MYO16: variants seen among roughly 807,000 people sequenced by gnomAD.
MYO16 encodes the protein unconventional myosin-XVI.
Under a neutral mutation model 205.3 loss-of-function variants are expected in MYO16, and 94 were observed. The observed-to-expected ratio is 0.46, with a 90% confidence interval of 0.39 to 0.54. The LOEUF is 0.54. Among genes scored for constraint, MYO16 ranks in the 20% least tolerant of loss-of-function variants. The pLI is 0.00. For missense variants in MYO16, 2,315 were observed against 2,387.5 expected (o/e 0.97, Z 0.63); for synonymous variants, 988 against 954.0 (o/e 1.04, Z -0.66).
At position 109,178,448 on chromosome 13, in the gene MYO16, G is replaced by A. The variant is rs144296942; in HGVS notation, c.5324-1094G>A. ...GGAACTCTCTCCTATAATTGGAAAA[G>A]CGTGCACTGATTGTCTAATGATTTT... On this transcript the variant is annotated intron_variant, in intron 33 of 34. Coordinates refer to ENST00000457511, the MANE Select transcript of MYO16 (RefSeq NM_001198950.3). Among the ~76,000 whole-genome samples the A allele has an allele frequency of 2.9e-3, 445 of 152,320 alleles. 1 individual carries two copies. Among genetic ancestry groups the A allele is most frequent in the African/African-American group, 0.01 (426 of 41,564 alleles).
At chr13:109,003,761 A>G (rs1387346320) in intron 21 of MYO16, among the ~76,000 whole-genome samples, 2 of 152,224 alleles carry the variant, frequency 1.3e-5, no homozygotes, top group Admixed American at 6.5e-5. Context: ...TATTATCAGA[A>G]GCCTCAGGTC....
At chr13:109,185,396 C>T (rs1229948671) in intron 34 of MYO16, among the ~76,000 whole-genome samples, 1 of 151,286 alleles carries the variant, frequency 6.6e-6, no homozygotes, top group Non-Finnish European at 1.5e-5. Context: ...ACTGTAGGTG[C>T]TTAAAAAAAA....
the MYO16 span, among the ~76,000 whole-genome samples, chr13:108,521,832 G>C: frequency 2.6e-5 from 4 of 152,226 alleles, no homozygotes; most frequent in South Asian, 6.2e-4. Flanking sequence ...TTCAGAAAAA[G>C]TTCCTATTTT....
Position 109,019,826 on chromosome 13 carries a change from T to G in MYO16, c.2711T>G (p.Val904Gly), listed in dbSNP as rs1012625160. 4 of 1,614,114 alleles carry G rather than the reference T, an allele frequency of 2.5e-6. No individual in the cohort carries two copies. Among genetic ancestry groups the G allele is most frequent in the Non-Finnish European group, 3.4e-6 (4 of 1,180,000 alleles). ...SLLESSNTNA[V>G]YSPMKDGNGN... ...CTAGAATCCTCAAACACAAATGCGG[T>G]GTACTCCCCCATGAAGGATGGGAAT... The change falls in exon 23 of 35, where the codon GTG (valine) becomes GGG (glycine). Residue 904 changes from valine to glycine, a missense_variant. By Grantham distance (109) the Val-to-Gly change is moderately radical. Transcript: ENST00000457511.
At chr13:108,799,628 C>T (rs1049977179) in intron 6 of MYO16, among the ~76,000 whole-genome samples, 6 of 152,122 alleles carry the variant, frequency 3.9e-5, no homozygotes, top group Admixed American at 2.0e-4. Context: ...GAAAATAAAG[C>T]TATTTTCTCA....
chr13:109,139,144 AG>A (rs1876916506), intron 31 of MYO16, among the ~76,000 whole-genome samples: 1 of 152,116 alleles, frequency 6.6e-6, no homozygotes, highest in Non-Finnish European at 1.5e-5. Flanking sequence ...TGGTGGAGAC[AG>A]GGTTTCACCA....
rs573772998 is a variant in MYO16, at chr13:108,832,558, CATG to C, written c.1097+9288_1097+9290del. Among the ~76,000 whole-genome samples the C allele has an allele frequency of 4.7e-3, 717 of 152,232 alleles. 6 individuals are homozygous for C. The highest frequency in any genetic ancestry group is 0.011 in the Admixed American group (161 of 15,288). On this transcript the variant is annotated intron_variant, in intron 9 of 34. Transcript: ENST00000457511. ...GTCTGGTTTCTGCTTGTTTCCCCAG[CATG>C]ATGATGAATAAAATCCTCTTTCAGT...
intron 9 of MYO16, among the ~76,000 whole-genome samples, chr13:108,839,140 T>C (rs2139060260): frequency 6.6e-6 from 1 of 152,212 alleles, no homozygotes; most frequent in Non-Finnish European, 1.5e-5. Context: ...TGGCACAGCA[T>C]ATCTCATGAT....
At chr13:108,832,869 A>G (rs1320330788) in intron 9 of MYO16, among the ~76,000 whole-genome samples, 1 of 152,172 alleles carries the variant, frequency 6.6e-6, no homozygotes, top group Non-Finnish European at 1.5e-5. Context: ...TAAATTCTAC[A>G]GAATGTGTTT....
intron 4 of MYO16, among the ~76,000 whole-genome samples, chr13:108,774,451 A>G (rs1363521875): frequency 6.6e-6 from 1 of 152,234 alleles, no homozygotes. Flanking sequence ...TATAGGAACT[A>G]TGCAGTCTTC....
the MYO16 span, among the ~76,000 whole-genome samples, chr13:108,507,772 G>A: frequency 1.3e-5 from 2 of 151,952 alleles, no homozygotes; most frequent in Non-Finnish European, 2.9e-5. Context: ...AGTCAGTGAT[G>A]TCTCATAAGT....
rs368944432 is a variant in MYO16 at position 108,712,611 on chromosome 13, C to G, written c.293-50C>G. On this transcript the variant is annotated intron_variant, in intron 2 of 34. Transcript: ENST00000457511. ...GAAAGCCTACACATTTGGTTCCACA[C>G]GTGGAAGAAGGACTCTCTGTAACTC... 3.3e-6 allele frequency: 5 copies of G among 1,508,014 alleles called. No homozygotes were observed. The African/African-American group carries it at 5.5e-5, about 17-fold the overall frequency. 93.4% of individuals were successfully genotyped at this position (1,508,014 alleles called of 1,614,324 possible).
chr13:108,925,040 T>C (rs981398845), intron 16 of MYO16, among the ~76,000 whole-genome samples: 1 of 152,252 alleles, frequency 6.6e-6, no homozygotes, highest in Non-Finnish European at 1.5e-5. Flanking sequence ...TTCCTGCCAC[T>C]GTGTTGTTCA....
intron 28 of MYO16, among the ~76,000 whole-genome samples, chr13:109,113,127 G>A (rs1405372963): frequency 3.3e-5 from 5 of 152,206 alleles, no homozygotes; most frequent in Non-Finnish European, 7.3e-5. Flanking sequence ...AAAGCAATAT[G>A]ATATAGTTGG....
intron 17 of MYO16, among the ~76,000 whole-genome samples, chr13:108,958,494 CTT>C (rs1386879892): frequency 2.6e-5 from 4 of 152,020 alleles, no homozygotes; most frequent in African/African-American, 9.7e-5. Flanking sequence ...CACTTTAAAA[CTT>C]TTAGATCATG....
intron 27 of MYO16, among the ~76,000 whole-genome samples, chr13:109,076,243 C>T (rs1217094766): frequency 3.3e-5 from 5 of 152,120 alleles, no homozygotes; most frequent in Non-Finnish European, 7.4e-5. Flanking sequence ...ATTAGTAAAT[C>T]GATTTCATTA....
At chr13:108,667,903 C>T (rs1170483603) in intron 2 of MYO16, among the ~76,000 whole-genome samples, 1 of 151,990 alleles carries the variant, frequency 6.6e-6, no homozygotes, top group Non-Finnish European at 1.5e-5. Flanking sequence ...TTAAAATTAG[C>T]TGGACCTGGT....
chr13:108,896,847 T>G (rs1880438892), intron 14 of MYO16, among the ~76,000 whole-genome samples: 2 of 151,866 alleles, frequency 1.3e-5, no homozygotes, highest in Non-Finnish European at 2.9e-5. Context: ...CGGCATGCCC[T>G]TGTAATCCCA....
At chr13:108,749,081 C>T (rs1885149137) in intron 4 of MYO16, among the ~76,000 whole-genome samples, 1 of 151,950 alleles carries the variant, frequency 6.6e-6, no homozygotes, top group African/African-American at 2.4e-5. Context: ...TACAACATGA[C>T]GTTTTGATAT....
Sources: gnomAD v4.1 joint callset for allele counts (sites outside exome capture counted in the v4.1 genomes callset) on GRCh38, gnomAD v4.1.1 for gene constraint, MANE v1.5 for transcripts, NCBI Gene and HGNC (gene_info 2026-07-23, HGNC 2026-07-21) for gene names.